The following WIPI2 variants were observed in gnomAD, a reference collection of about 807,000 sequenced individuals.
WIPI2 encodes WD repeat domain, phosphoinositide interacting 2, also known as WD repeat domain phosphoinositide-interacting protein 2.
WIPI2 carries 28 observed loss-of-function variants against 52.3 expected under a neutral mutation model. The ratio of observed to expected loss-of-function variants is 0.54; its 90% CI spans 0.40 to 0.73. WIPI2 has a LOEUF of 0.73. Ranked by LOEUF, WIPI2 falls within the 30% of genes least tolerant of loss-of-function variation. The probability of loss-of-function intolerance (pLI) is 0.00; values close to 1 mark genes in which losing one functional copy is unlikely to be tolerated. For missense variants in WIPI2, 506 were observed against 602.9 expected (o/e 0.84, Z 1.68); for synonymous variants, 268 against 245.0 (o/e 1.09, Z -0.88).
chr7:5,202,412 C>T (rs1362369350), intron 3 of WIPI2, among the ~76,000 whole-genome samples: 1 of 152,104 alleles, frequency 6.6e-6, no homozygotes, highest in Admixed American at 6.6e-5. Context: ...GGGACAGAGT[C>T]TCGCTCTGTC....
At chr7:5,190,577 C>A (rs1781426784) in intron 1 of WIPI2, 84 bp downstream of exon 1, 4 of 1,274,318 alleles carry the variant, frequency 3.1e-6, no homozygotes, top group East Asian at 3.3e-5. Context: ...CCAAGCTCGG[C>A]GGCGTCGCAG....
At chr7:5,218,395 A>T (rs1430622193) in intron 7 of WIPI2, 1 of 186,734 alleles carries the variant, frequency 5.4e-6, no homozygotes, top group Admixed American at 5.6e-5. Flanking sequence ...GCCAGTCTGA[A>T]CACATTTCAG....
chr7:5,222,557 G>A (rs756952167), intron 7 of WIPI2, 45 bp from the exon 8 acceptor site: 1 of 1,587,658 alleles, frequency 6.3e-7, no homozygotes, highest in African/African-American at 1.3e-5. Flanking sequence ...GGAAATTCCT[G>A]TTTTAACTCA....
At chr7:5,207,611 C>G (rs1413682025) in intron 3 of WIPI2, among the ~76,000 whole-genome samples, 2 of 151,896 alleles carry the variant, frequency 1.3e-5, no homozygotes, top group African/African-American at 4.8e-5. Context: ...TTTTAATGGA[C>G]AGATATTTTC....
Position 5,227,424 on chromosome 7 carries a change from T to C in WIPI2, c.1013+80T>C. On this transcript the variant is annotated intron_variant, in intron 10 of 12. Coordinates refer to ENST00000288828, the MANE Select transcript of WIPI2 (RefSeq NM_015610.4). This position sits in a 1 kb window ranked among gnomAD's most constrained non-coding sequence, Gnocchi z 8.1. ...CCAGTCCTGGCGGCTTGTGGCCCCT[T>C]CCGTGCTTCTGAACAGGAGCAGCTT... 1 of 1,541,076 alleles carries C rather than the reference T, an allele frequency of 6.5e-7. No individual in the cohort carries two copies. Among genetic ancestry groups the C allele is most frequent in the South Asian group, 1.2e-5 (1 of 83,590 alleles).
intron 9 of WIPI2, 33 bp downstream of exon 9, chr7:5,225,963 A>G: frequency 1.3e-6 from 2 of 1,584,006 alleles, no homozygotes; most frequent in Non-Finnish European, 8.6e-7. Context: ...TTTAAAAATG[A>G]TGCAAAACCC....
Position 5,228,168 on chromosome 7 carries a change from G to C in WIPI2, c.1078G>C (p.Asp360His), listed in dbSNP as rs1329980126. ...ADGYLYMYNLDPQEGGECALM... is the reference protein window; with the variant it reads ...ADGYLYMYNLHPQEGGECALM... ...CGGGTACCTGTACATGTACAACCTGGACCCCCAGGAGGGCGGCGAGTGTGC... is the reference window on the plus strand; with the variant it reads ...CGGGTACCTGTACATGTACAACCTGCACCCCCAGGAGGGCGGCGAGTGTGC... Residue 360 changes from aspartate (D) to histidine (H), a missense_variant, in exon 11 of 13, where the codon GAC (aspartate) becomes CAC (histidine). Asp to His is a moderately conservative substitution (Grantham distance 81, BLOSUM62 -1). Around this residue, in one of 4 missense-constraint regions of WIPI2, gnomAD observed 194 missense variants for 175.1 expected, o/e 1.11. Coordinates refer to ENST00000288828, the MANE Select transcript of WIPI2 (RefSeq NM_015610.4). 1 of 1,613,788 alleles carries C rather than the reference G, an allele frequency of 6.2e-7. No homozygotes were observed. The highest frequency in any genetic ancestry group is 8.5e-7 in the Non-Finnish European group (1 of 1,179,986).
Position 5,229,721 on chromosome 7 carries a change from C to T in WIPI2, c.1235C>T (p.Ser412Leu), listed in dbSNP as rs751688954. 11 of 1,613,882 alleles carry T rather than the reference C, an allele frequency of 6.8e-6. No individual in the cohort carries two copies. The South Asian group carries it at 1.1e-4, about 16-fold the overall frequency. The change falls in exon 12 of 13, where the codon TCA (serine) becomes TTA (leucine). Residue 412 changes from serine (S) to leucine (L), a missense_variant. This residue lies in a region of WIPI2 where 194 missense variants were observed against 175.1 expected (regional missense o/e 1.11). Coordinates refer to ENST00000288828, the MANE Select transcript of WIPI2 (RefSeq NM_015610.4). ...AAAGKGTYVP[S>L]SPTRLAYTDD... is the part of the protein sequence containing the mutation. ...GCAGGAAAAGGTACTTACGTGCCTTCATCCCCAACGAGACTTGGTAAGGGG... is the reference window on the plus strand; with the variant it reads ...GCAGGAAAAGGTACTTACGTGCCTTTATCCCCAACGAGACTTGGTAAGGGG...
rs1178324311 is a variant in WIPI2, at chr7:5,227,966, G to GGC, written c.1014-135_1014-134dup. On this transcript the variant is annotated intron_variant, in intron 10 of 12. Transcript: ENST00000288828. The surrounding 1 kb of genome is among the most constrained non-coding windows in gnomAD (Gnocchi z 8.1). The stretch of plus-strand genomic sequence containing the variant: ...TGGCCGTGTGAGCCGAGGTCAGTGG[G>GGC]GCGCCAGACACCTGCAGCTGCCCTT... 64 of 791,890 alleles carry GGC rather than the reference G, an allele frequency of 8.1e-5. No individual in the cohort carries two copies. In the Middle Eastern group the frequency reaches 4.4e-3, roughly 54 times the overall value. 49.1% of individuals were successfully genotyped at this position (791,890 alleles called of 1,614,324 possible).
chr7:5,230,246 C>T lies in WIPI2; in HGVS notation c.1252+508C>T, dbSNP rs547832679. On this transcript the variant is annotated intron_variant, in intron 12 of 12. Transcript: ENST00000288828. The surrounding 1 kb of genome is among the most constrained non-coding windows in gnomAD (Gnocchi z 4.8). ...TTTTCGTCCTTCAGCAAATCTGCAT[C>T]GAGTACTGCCTTCATGCTGGGCCTG... is the stretch of plus-strand genomic sequence containing the variant. Among the ~76,000 whole-genome samples, 19 of 152,280 alleles carry T rather than the reference C, an allele frequency of 1.2e-4. No individual in the cohort carries two copies. The highest frequency in any genetic ancestry group is 3.4e-3 in the Middle Eastern group (1 of 294).
intron 3 of WIPI2, among the ~76,000 whole-genome samples, chr7:5,209,470 T>C (rs1411004637): frequency 6.6e-6 from 1 of 152,220 alleles, no homozygotes; most frequent in Non-Finnish European, 1.5e-5. Flanking sequence ...TTCTTCCTAA[T>C]TCCAGGTTTC....
At chr7:5,194,147 G>T (rs1301482427) in intron 2 of WIPI2, among the ~76,000 whole-genome samples, 3 of 151,872 alleles carry the variant, frequency 2.0e-5, no homozygotes. Flanking sequence ...GAGAAGGAGA[G>T]AACTCTGCTT....
At position 5,198,027 on chromosome 7, in the gene WIPI2, C is replaced by T. The variant is rs558795894; in HGVS notation, c.129-1549C>T. Among the ~76,000 whole-genome samples the T allele has an allele frequency of 3.9e-5, 6 of 152,362 alleles. No homozygotes were observed. In the South Asian group the frequency reaches 1.2e-3, roughly 32 times the overall value. On this transcript the variant is annotated intron_variant, in intron 2 of 12. Coordinates refer to ENST00000288828, the MANE Select transcript of WIPI2 (RefSeq NM_015610.4). ...GCCCCTGCTGGGAGGGGCTGCTGAGCTGTGGGCTCCTTGAGCCTCCTCGCA... is the reference window on the plus strand; with the variant it reads ...GCCCCTGCTGGGAGGGGCTGCTGAGTTGTGGGCTCCTTGAGCCTCCTCGCA...
At position 5,232,401 on chromosome 7, in the gene WIPI2, G is replaced by C. The variant is rs895324581; in HGVS notation, c.*1454G>C. 5 of 398,182 alleles carry C rather than the reference G, an allele frequency of 1.3e-5. No homozygotes were observed. Among genetic ancestry groups the C allele is most frequent in the Non-Finnish European group, 2.2e-5 (5 of 226,080 alleles). 24.7% of individuals were successfully genotyped at this position (398,182 alleles called of 1,614,324 possible). ...CAAACTAAATGCAGGGGACGCTGGA[G>C]TCCGACTCACCTACACCGGCTTCCT... On this transcript the variant is annotated 3_prime_UTR_variant, in exon 13 of 13. Coordinates refer to ENST00000288828, the MANE Select transcript of WIPI2 (RefSeq NM_015610.4).
Position 5,232,489 on chromosome 7 carries a change from T to A in WIPI2, c.*1542T>A. The A allele has an allele frequency of 7.6e-6, 3 of 396,986 alleles. No individual in the cohort carries two copies. The highest frequency in any genetic ancestry group is 8.9e-6 in the Non-Finnish European group (2 of 225,542). 24.6% of individuals were successfully genotyped at this position (396,986 alleles called of 1,614,324 possible). Reference sequence around the variant, plus strand: ...TAGGCAGAGGTGCAAGTGGGCTGATTGAACTTTTCCTTCAAAACCTGCTTG... The same window carrying A: ...TAGGCAGAGGTGCAAGTGGGCTGATAGAACTTTTCCTTCAAAACCTGCTTG... On this transcript the variant is annotated 3_prime_UTR_variant, in exon 13 of 13. Transcript: ENST00000288828.
At chr7:5,198,114 C>T (rs1272601886) in intron 2 of WIPI2, among the ~76,000 whole-genome samples, 1 of 152,068 alleles carries the variant, frequency 6.6e-6, no homozygotes, top group South Asian at 2.1e-4. Flanking sequence ...TCTGCTTTTT[C>T]CTTGTAAGCC....
At chr7:5,204,115 AGTTTACTGGAAAGTGATT>A (rs891466492) in intron 3 of WIPI2, among the ~76,000 whole-genome samples, 10 of 152,220 alleles carry the variant, frequency 6.6e-5, no homozygotes, top group African/African-American at 2.2e-4. Flanking sequence ...TTTGTACTTC[AGTTTACTGGAAAGTGATT>A]GTTCTGGGTA....
intron 3 of WIPI2, among the ~76,000 whole-genome samples, chr7:5,201,123 G>A (rs1415336201): frequency 1.3e-5 from 2 of 152,236 alleles, no homozygotes; most frequent in Non-Finnish European, 2.9e-5. Flanking sequence ...GCCTTCACGT[G>A]AGCCACACGG....
chr7:5,190,333 G>T lies in WIPI2; in HGVS notation c.-87G>T, dbSNP rs1021920368. ...AGTGGCGGCGACCGAGGCGGCGAGC[G>T]GGGCCCGGCGCCGACCCTGAGTGCA... is the stretch of plus-strand genomic sequence containing the variant. On this transcript the variant is annotated 5_prime_UTR_variant, in exon 1 of 13. Transcript: ENST00000288828. The T allele has an allele frequency of 1.3e-5, 12 of 925,196 alleles. No individual in the cohort carries two copies. The African/African-American group carries it at 1.8e-4, about 14-fold the overall frequency. The allele number at this position is 925,196 out of a possible 1,614,324, so 57.3% of individuals were successfully genotyped here. A position where few individuals can be genotyped will look rare whatever the true frequency, so the allele number is the denominator to read the frequency against.
Sources: gnomAD v4.1 joint callset for allele counts (sites outside exome capture counted in the v4.1 genomes callset) on GRCh38, gnomAD v4.1.1 for gene constraint, gnomAD v4.1.1 regional missense constraint, Gnocchi (gnomAD v3.1) non-coding constraint, MANE v1.5 for transcripts, NCBI Gene and HGNC (gene_info 2026-07-23, HGNC 2026-07-21) for gene names.